The following AMZ2 variants were observed in gnomAD, a reference collection of about 807,000 sequenced individuals.
AMZ2 encodes the protein archaelysin family metallopeptidase 2.
Under a neutral mutation model 36.7 loss-of-function variants are expected in AMZ2, and 26 were observed. The observed-to-expected ratio is 0.71, with a 90% CI of 0.52 to 0.98. The LOEUF is 0.98. Among genes scored for constraint, AMZ2 ranks in the 50% least tolerant of loss-of-function variants. The pLI is 0.00. For missense variants in AMZ2, 394 were observed against 430.5 expected (o/e 0.92, Z 0.75); for synonymous variants, 144 against 149.1 (o/e 0.97, Z 0.25).
intron 1 of AMZ2, among the ~76,000 whole-genome samples, chr17:68,210,957 A>AGGGG (rs71142141): frequency 8.5e-6 from 1 of 117,876 alleles, no homozygotes; most frequent in African/African-American, 3.4e-5. Flanking sequence ...TCAAAAAAAA[A>AGGGG]GGGGGGGGGG....
chr17:68,212,401 T>A (rs1285066424), intron 1 of AMZ2, among the ~76,000 whole-genome samples: 3 of 152,030 alleles, frequency 2.0e-5, no homozygotes, highest in Non-Finnish European at 2.9e-5. Context: ...ACCCTTGAAG[T>A]GGCTTATGCC....
chr17:68,244,809 GA>G (rs1318966932), upstream of AMZ2, among the ~76,000 whole-genome samples: 59 of 152,116 alleles, frequency 3.9e-4, no homozygotes, highest in Non-Finnish European at 7.4e-4. Context: ...TAGCAGGTAA[GA>G]AAAAATTATT....
At chr17:68,233,880 C>T (rs2073727556) in intron 1 of AMZ2, among the ~76,000 whole-genome samples, 1 of 152,008 alleles carries the variant, frequency 6.6e-6, no homozygotes, top group Admixed American at 6.6e-5. Flanking sequence ...CGCCACCACA[C>T]CTGCTTAAGC....
At chr17:68,252,830 A>G (rs1555740537) in intron 4 of AMZ2, among the ~76,000 whole-genome samples, 1 of 152,176 alleles carries the variant, frequency 6.6e-6, no homozygotes, top group African/African-American at 2.4e-5. Flanking sequence ...AGCTAAAAAA[A>G]TAATTTTAAA....
chr17:68,226,526 A>G (rs2073520727), intron 1 of AMZ2, among the ~76,000 whole-genome samples: 2 of 152,134 alleles, frequency 1.3e-5, no homozygotes, highest in Admixed American at 1.3e-4. Context: ...AGTTTGCCCC[A>G]TTGGAGGGAG....
In AMZ2 at chr17:68,226,346, G is replaced by A. The variant is rs141327702; in HGVS notation, c.-67+20108G>A. Among the ~76,000 whole-genome samples, 666 of 152,326 alleles carry A rather than the reference G, an allele frequency of 4.4e-3. 4 individuals carry two copies. The highest frequency in any genetic ancestry group is 0.012 in the South Asian group (58 of 4,830). ...AACGTGGTTAGAATGGAGAACCCAG[G>A]GAGGCTTCCTTCAGGACGAAGAGTG... On this transcript the variant is annotated intron_variant, in intron 1 of 7. Coordinates refer to the AMZ2 transcript ENST00000674770.
intron 1 of AMZ2, among the ~76,000 whole-genome samples, chr17:68,208,933 G>C (rs1223119487): frequency 6.6e-6 from 1 of 152,108 alleles, no homozygotes; most frequent in African/African-American, 2.4e-5. Context: ...AACAAACTCC[G>C]GACACGCCGC....
At chr17:68,213,364 A>G (rs1358855380) in intron 1 of AMZ2, among the ~76,000 whole-genome samples, 1 of 152,252 alleles carries the variant, frequency 6.6e-6, no homozygotes, top group African/African-American at 2.4e-5. Context: ...AACTGGGCAG[A>G]GGGATGGGCT....
upstream of AMZ2, chr17:68,247,680 G>T: frequency 1.0e-6 from 1 of 985,520 alleles, no homozygotes; most frequent in Non-Finnish European, 1.2e-6. Flanking sequence ...GGTTGCATTC[G>T]TCACGCCGGC....
intron 1 of AMZ2, among the ~76,000 whole-genome samples, chr17:68,210,705 T>TG (rs780327906): frequency 4.1e-4 from 63 of 152,220 alleles, no homozygotes; most frequent in Non-Finnish European, 6.0e-4. Context: ...TCCAGCACTT[T>TG]GGGGGGCCAC....
At chr17:68,227,869 C>T (rs2073555498) in intron 1 of AMZ2, among the ~76,000 whole-genome samples, 1 of 152,142 alleles carries the variant, frequency 6.6e-6, no homozygotes, top group Admixed American at 6.5e-5. Context: ...GTATTTAGGG[C>T]CCACCCATGT....
intron 1 of AMZ2, among the ~76,000 whole-genome samples, chr17:68,220,095 A>G (rs2073308388): frequency 6.6e-6 from 1 of 152,228 alleles, no homozygotes; most frequent in Admixed American, 6.5e-5. Context: ...TGTTCAAAGA[A>G]TCTGAGACTT....
rs1340910532 is a variant in AMZ2 at position 68,235,173 on chromosome 17, A to C, written c.-66-13467A>C. The stretch of plus-strand genomic sequence containing the variant: ...TTAGAACTTGTGACCAACACATCCA[A>C]CCACGAGGATATATCACAAGTACTT... On this transcript the variant is annotated intron_variant, in intron 1 of 7. Coordinates refer to the AMZ2 transcript ENST00000674770. The surrounding 1 kb of genome is among the most constrained non-coding windows in gnomAD (Gnocchi z 4.2). 2.6e-5 allele frequency among the ~76,000 whole-genome samples: 4 copies of C among 152,132 alleles called. No homozygotes were observed. Among genetic ancestry groups the C allele is most frequent in the Admixed American group, 1.3e-4 (2 of 15,260 alleles).
chr17:68,212,524 A>C (rs1477729154), intron 1 of AMZ2, among the ~76,000 whole-genome samples: 8 of 152,220 alleles, frequency 5.3e-5, no homozygotes, highest in African/African-American at 1.9e-4. Flanking sequence ...AGACAGAAAG[A>C]GACCTTGTCA....
Position 68,248,394 on chromosome 17 carries a change from A to T in AMZ2, c.-312A>T. 5.1e-6 allele frequency: 5 copies of T among 986,040 alleles called. No homozygotes were observed. Among genetic ancestry groups the T allele is most frequent in the Non-Finnish European group, 6.0e-6 (5 of 830,062 alleles). 61.1% of individuals were successfully genotyped at this position (986,040 alleles called of 1,614,324 possible). A position where few individuals can be genotyped will look rare whatever the true frequency, so the allele number is the denominator to read the frequency against. ...TGTGTCTGCATGGACCAGAGCCCAC[A>T]GTGCGAGTTGCTATAGGCAACCAGC... On this transcript the variant is annotated 5_prime_UTR_variant, in exon 1 of 7. Transcript: ENST00000359904.
intron 1 of AMZ2, among the ~76,000 whole-genome samples, chr17:68,214,826 A>G (rs2073155789): frequency 1.3e-5 from 2 of 151,880 alleles, no homozygotes; most frequent in African/African-American, 4.8e-5. Flanking sequence ...TTGTCACCCA[A>G]GCTCTGAACT....
chr17:68,209,610 G>GTA (rs71142140), intron 1 of AMZ2, among the ~76,000 whole-genome samples: 2,596 of 108,598 alleles, frequency 0.024, 97 homozygotes, highest in Admixed American at 0.096. Context: ...GTGTGTATAT[G>GTA]TATATATATA....
chr17:68,227,635 A>G (rs1403684976), intron 1 of AMZ2, among the ~76,000 whole-genome samples: 1 of 151,822 alleles, frequency 6.6e-6, no homozygotes, highest in Non-Finnish European at 1.5e-5. Flanking sequence ...GCATCTTCAA[A>G]TCTCTCTCTG....
At chr17:68,228,217 A>T (rs1488574070) in intron 1 of AMZ2, among the ~76,000 whole-genome samples, 1 of 151,756 alleles carries the variant, frequency 6.6e-6, no homozygotes, top group African/African-American at 2.4e-5. Context: ...ACTATCTTTG[A>T]CCCCTGGTGC....
Sources: allele counts gnomAD v4.1 joint callset (sites outside exome capture counted in the v4.1 genomes callset), GRCh38; gene constraint gnomAD v4.1.1; non-coding constraint Gnocchi (gnomAD v3.1); transcripts MANE v1.5; gene names NCBI Gene and HGNC (gene_info 2026-07-23, HGNC 2026-07-21).